PRKAG2: variants seen among roughly 807,000 people sequenced by gnomAD.
PRKAG2 encodes the protein 5'-AMP-activated protein kinase subunit gamma-2.
A neutral mutation model predicts 69.6 loss-of-function variants in PRKAG2; 26 were observed. That is an observed-to-expected ratio of 0.37 (90% CI 0.27 to 0.52). The LOEUF (loss-of-function observed/expected upper bound fraction) is 0.52. Ranked by LOEUF, PRKAG2 falls within the 20% of genes least tolerant of loss-of-function variation. The pLI is 0.90. For missense variants in PRKAG2, 557 were observed against 740.0 expected, an observed-to-expected ratio of 0.75 and a Z score of 2.87; for synonymous variants, 293 against 285.0, an observed-to-expected ratio of 1.03 and a Z score of -0.28.
chr7:151,755,740 A>G (rs1287091238), intron 3 of PRKAG2, among the ~76,000 whole-genome samples: 1 of 152,160 alleles, frequency 6.6e-6, no homozygotes, highest in Admixed American at 6.5e-5. Flanking sequence ...TTTTTACAGG[A>G]AACATTTGTC....
intron 3 of PRKAG2, among the ~76,000 whole-genome samples, chr7:151,680,334 A>G (rs1833668338): frequency 6.6e-6 from 1 of 152,224 alleles, no homozygotes; most frequent in South Asian, 2.1e-4. Context: ...TAGATAAATC[A>G]TGGCCCATCT....
chr7:151,595,271 G>A (rs1024363748), intron 6 of PRKAG2, 74 bp downstream of exon 6: 40 of 1,078,134 alleles, frequency 3.7e-5, no homozygotes, highest in Non-Finnish European at 5.5e-5. Flanking sequence ...TGGCATTGCT[G>A]GTTTTAAATT....
At position 151,736,216 on chromosome 7, in the gene PRKAG2, C is replaced by T. The variant is rs1306682455; in HGVS notation, c.466+44936G>A. ...CACCGCAGCCCCAGAGTCTGTGAGG[C>T]GCCAGGGAGTGGAGCCGTCCTGACG... On this transcript the variant is annotated intron_variant, in intron 3 of 15. Transcript: ENST00000287878. The T allele has an allele frequency of 7.2e-6, 10 of 1,393,792 alleles. No homozygotes were observed. In the Admixed American group the frequency reaches 1.2e-4, roughly 16 times the overall value. 86.3% of individuals were successfully genotyped at this position (1,393,792 alleles called of 1,614,324 possible). A position where few individuals can be genotyped will look rare whatever the true frequency, so the allele number is the denominator to read the frequency against.
chr7:151,789,860 G>A (rs145014520), intron 1 of PRKAG2, among the ~76,000 whole-genome samples: 9 of 152,250 alleles, frequency 5.9e-5, no homozygotes, highest in Admixed American at 2.6e-4. Context: ...GCTCCCAGCC[G>A]GCCCTGCAGG....
chr7:151,802,791 G>A (rs1449309584), intron 1 of PRKAG2, among the ~76,000 whole-genome samples: 5 of 149,934 alleles, frequency 3.3e-5, no homozygotes, highest in African/African-American at 4.9e-5. Flanking sequence ...CTCCCACACC[G>A]CTCTTCTGCA....
intron 3 of PRKAG2, among the ~76,000 whole-genome samples, chr7:151,739,281 G>T (rs1325128853): frequency 6.6e-6 from 1 of 152,134 alleles, no homozygotes; most frequent in Non-Finnish European, 1.5e-5. Flanking sequence ...TCTCTGTCTA[G>T]AATGACCTCA....
intron 1 of PRKAG2, among the ~76,000 whole-genome samples, chr7:151,790,008 C>G (rs112113613): frequency 1.3e-5 from 2 of 152,180 alleles, no homozygotes; most frequent in African/African-American, 4.8e-5. Flanking sequence ...CCATGGACAT[C>G]CCACCTGGAA....
At chr7:151,571,391 T>C (rs1807538347) in intron 9 of PRKAG2, among the ~76,000 whole-genome samples, 1 of 152,146 alleles carries the variant, frequency 6.6e-6, no homozygotes, top group Non-Finnish European at 1.5e-5. Flanking sequence ...GTATTTTTAG[T>C]AGAGAGAGGG....
chr7:151,803,284 C>G (rs922437010), intron 1 of PRKAG2, among the ~76,000 whole-genome samples: 1 of 152,068 alleles, frequency 6.6e-6, no homozygotes, highest in Non-Finnish European at 1.5e-5. Flanking sequence ...AAGGTAATAG[C>G]TGGGGAGCCG....
intron 3 of PRKAG2, among the ~76,000 whole-genome samples, chr7:151,776,736 C>A (rs1299004632): frequency 6.6e-6 from 1 of 152,226 alleles, no homozygotes; most frequent in African/African-American, 2.4e-5. Flanking sequence ...CGGGGCAGTG[C>A]AGGCACCCTA....
chr7:151,694,262 A>C (rs1225723847), intron 3 of PRKAG2, among the ~76,000 whole-genome samples: 2 of 152,204 alleles, frequency 1.3e-5, no homozygotes, highest in Non-Finnish European at 2.9e-5. Flanking sequence ...TAATTTGTTG[A>C]TCCAAACAGT....
At chr7:151,729,724 G>A (rs567805962) in intron 3 of PRKAG2, among the ~76,000 whole-genome samples, 21 of 152,086 alleles carry the variant, frequency 1.4e-4, no homozygotes, top group African/African-American at 4.8e-5. Flanking sequence ...GTCCAGCCCC[G>A]CAGGCCTCTC....
intron 1 of PRKAG2, among the ~76,000 whole-genome samples, chr7:151,856,120 A>G (rs890480990): frequency 6.6e-6 from 1 of 152,232 alleles, no homozygotes; most frequent in African/African-American, 2.4e-5. Flanking sequence ...AGTTTGCTAC[A>G]TGGCATATCA....
intron 3 of PRKAG2, among the ~76,000 whole-genome samples, chr7:151,744,896 T>C (rs1317095221): frequency 6.6e-6 from 1 of 152,184 alleles, no homozygotes; most frequent in African/African-American, 2.4e-5. Flanking sequence ...AGCAGTTTCC[T>C]ACATTCTTCT....
chr7:151,671,104 G>A (rs1454724551), intron 4 of PRKAG2, among the ~76,000 whole-genome samples: 2 of 146,738 alleles, frequency 1.4e-5, no homozygotes, highest in African/African-American at 5.2e-5. Flanking sequence ...AACCCAGAAG[G>A]CAGAGGTTGC....
At chr7:151,610,182 G>A (rs1383342857) in intron 5 of PRKAG2, among the ~76,000 whole-genome samples, 3 of 152,148 alleles carry the variant, frequency 2.0e-5, no homozygotes, top group Non-Finnish European at 2.9e-5. Context: ...TGGCTAACAC[G>A]GTGAAACCCC....
intron 4 of PRKAG2, among the ~76,000 whole-genome samples, chr7:151,673,368 CCAG>C (rs1832376748): frequency 6.6e-6 from 1 of 152,176 alleles, no homozygotes; most frequent in Non-Finnish European, 1.5e-5. Flanking sequence ...CAGGCTCAGC[CCAG>C]CAGGTGACGT....
chr7:151,652,695 G>T (rs1828734855), intron 4 of PRKAG2, among the ~76,000 whole-genome samples: 1 of 152,040 alleles, frequency 6.6e-6, no homozygotes, highest in Non-Finnish European at 1.5e-5. Flanking sequence ...GAGTACAATG[G>T]CATGATCGGG....
intron 4 of PRKAG2, among the ~76,000 whole-genome samples, chr7:151,655,980 AC>A (rs1246609225): frequency 6.6e-6 from 1 of 152,190 alleles, no homozygotes; most frequent in African/African-American, 2.4e-5. Context: ...AAACAGGCAA[AC>A]TTAATTTGTA....
Sources: allele counts gnomAD v4.1 joint callset (sites outside exome capture counted in the v4.1 genomes callset), GRCh38; gene constraint gnomAD v4.1.1; transcripts MANE v1.5; gene names NCBI Gene and HGNC (gene_info 2026-07-23, HGNC 2026-07-21).